PPP2R2A: variants seen among roughly 807,000 people sequenced by gnomAD.
The protein encoded by PPP2R2A is protein phosphatase 2 regulatory subunit Balpha.
In PPP2R2A, 9 loss-of-function variants were observed where a neutral mutation model predicts 53.2. The observed-to-expected ratio is 0.17, with a 90% CI of 0.10 to 0.30. The LOEUF (loss-of-function observed/expected upper bound fraction) is 0.30. Ranked by LOEUF, PPP2R2A falls within the 10% of genes least tolerant of loss-of-function variation. The probability of loss-of-function intolerance (pLI) is 1.00; values close to 1 mark genes in which losing one functional copy is unlikely to be tolerated. For synonymous variants in PPP2R2A, 169 were observed against 174.2 expected, an observed-to-expected ratio of 0.97 and a Z score of 0.23; for missense variants, 235 against 534.6, an observed-to-expected ratio of 0.44 and a Z score of 5.53.
At chr8:26,339,039 G>A (rs771667232) in intron 3 of PPP2R2A, 52 bp downstream of exon 3, 6 of 1,330,534 alleles carry the variant, frequency 4.5e-6, no homozygotes, top group Non-Finnish European at 6.5e-6. Flanking sequence ...TAGGACTAGA[G>A]CTTGTGTTGC....
intron 4 of PPP2R2A, among the ~76,000 whole-genome samples, chr8:26,357,290 C>G (rs1009405632): frequency 6.9e-6 from 1 of 144,922 alleles, no homozygotes; most frequent in Non-Finnish European, 1.5e-5. Context: ...AACACCCCCC[C>G]CCCCCAATAT....
At chr8:26,340,872 T>G (rs1252787718) in intron 3 of PPP2R2A, among the ~76,000 whole-genome samples, 1 of 152,136 alleles carries the variant, frequency 6.6e-6, no homozygotes, top group Admixed American at 6.5e-5. Flanking sequence ...CTCATTTACT[T>G]GTATTAGAAA....
intron 9 of PPP2R2A, among the ~76,000 whole-genome samples, chr8:26,369,124 TAC>T (rs375380252): frequency 4.7e-5 from 7 of 149,344 alleles, no homozygotes; most frequent in Non-Finnish European, 7.5e-5. Flanking sequence ...AAAAAAATTA[TAC>T]ACACACACAC....
chr8:26,344,019 C>G (rs1481151943), intron 3 of PPP2R2A, among the ~76,000 whole-genome samples: 6 of 152,058 alleles, frequency 3.9e-5, no homozygotes, highest in Non-Finnish European at 7.4e-5. Context: ...TCTCCTTTTG[C>G]CAGCTGGGGG....
At chr8:26,368,556 A>C (rs1369705768) in intron 9 of PPP2R2A, among the ~76,000 whole-genome samples, 3 of 152,364 alleles carry the variant, frequency 2.0e-5, no homozygotes, top group African/African-American at 7.2e-5. Context: ...TTTGCTTAAA[A>C]TGTTCTAAGT....
chr8:26,357,002 A>G (rs1443263853), intron 4 of PPP2R2A, among the ~76,000 whole-genome samples: 1 of 152,238 alleles, frequency 6.6e-6, no homozygotes, highest in Non-Finnish European at 1.5e-5. Flanking sequence ...AATACTAAGT[A>G]AAATACAGCT....
intron 4 of PPP2R2A, among the ~76,000 whole-genome samples, chr8:26,359,497 CAAAAGTTTGTTTTTA>C (rs1333667928): frequency 6.6e-6 from 1 of 152,148 alleles, no homozygotes; most frequent in Non-Finnish European, 1.5e-5. Context: ...AATTGTAAAA[CAAAAGTTTGTTTTTA>C]AACAGATGCC....
At chr8:26,349,937 A>T (rs1256374621) in intron 3 of PPP2R2A, among the ~76,000 whole-genome samples, 3 of 152,190 alleles carry the variant, frequency 2.0e-5, no homozygotes, top group Admixed American at 6.5e-5. Context: ...AAGTTCTGCT[A>T]ATTTTATTCT....
At chr8:26,328,554 C>T (rs1466997317) in intron 2 of PPP2R2A, among the ~76,000 whole-genome samples, 1 of 152,176 alleles carries the variant, frequency 6.6e-6, no homozygotes, top group Non-Finnish European at 1.5e-5. Context: ...TACCTGTCAC[C>T]TGGTTTCTCT....
chr8:26,304,765 A>G lies in PPP2R2A; in HGVS notation c.82+11025A>G, dbSNP rs192710766. Among the ~76,000 whole-genome samples the G allele has an allele frequency of 3.1e-3, 479 of 152,342 alleles. 1 individual carries two copies. Among genetic ancestry groups the G allele is most frequent in the African/African-American group, 0.011 (458 of 41,592 alleles). ...TTCTGACCAAATTTCTTATCAAGGCATGCAACATGCAAAAATGTTTGTTAA... is the reference window on the plus strand; with the variant it reads ...TTCTGACCAAATTTCTTATCAAGGCGTGCAACATGCAAAAATGTTTGTTAA... On this transcript the variant is annotated intron_variant, in intron 2 of 9. Coordinates refer to ENST00000380737, the MANE Select transcript of PPP2R2A (RefSeq NM_002717.4).
At chr8:26,293,400 A>T in intron 1 of PPP2R2A, 1 of 870,156 alleles carries the variant, frequency 1.1e-6, no homozygotes, top group Non-Finnish European at 1.8e-6. Flanking sequence ...CTTTTACTGT[A>T]TTTGACAGGA....
intron 6 of PPP2R2A, among the ~76,000 whole-genome samples, chr8:26,361,837 T>G (rs1312253145): frequency 6.6e-6 from 1 of 151,836 alleles, no homozygotes; most frequent in African/African-American, 2.4e-5. Context: ...GGCGCATGCC[T>G]GTAATCTAAG....
At chr8:26,337,685 G>GT (rs775499545) in intron 2 of PPP2R2A, among the ~76,000 whole-genome samples, 4 of 152,160 alleles carry the variant, frequency 2.6e-5, no homozygotes, top group Non-Finnish European at 5.9e-5. Context: ...GTAGCCAGGG[G>GT]TTTTTTAACC....
Position 26,296,565 on chromosome 8 carries a change from C to T in PPP2R2A, c.82+2825C>T, listed in dbSNP as rs866677736. On this transcript the variant is annotated intron_variant, in intron 2 of 9. Coordinates refer to ENST00000380737, the MANE Select transcript of PPP2R2A (RefSeq NM_002717.4). ...ATTTTTAAAGTCTTCCTTTATAGCA[C>T]TTTGTTACGTAGATATCATATGGTA... 1.3e-5 allele frequency among the ~76,000 whole-genome samples: 2 copies of T among 152,184 alleles called. 1 individual carries two copies.
intron 2 of PPP2R2A, among the ~76,000 whole-genome samples, chr8:26,337,626 C>T (rs773993047): frequency 5.9e-5 from 9 of 152,192 alleles, no homozygotes; most frequent in African/African-American, 9.7e-5. Flanking sequence ...TTCAGTTTTA[C>T]GCCTTTTATG....
intron 3 of PPP2R2A, among the ~76,000 whole-genome samples, chr8:26,340,458 G>A (rs1803884364): frequency 1.3e-5 from 2 of 151,906 alleles, no homozygotes; most frequent in African/African-American, 4.8e-5. Flanking sequence ...GAAAGTTATT[G>A]ACTCTCTACA....
intron 2 of PPP2R2A, among the ~76,000 whole-genome samples, chr8:26,334,573 G>A (rs1362798068): frequency 6.6e-6 from 1 of 151,956 alleles, no homozygotes; most frequent in African/African-American, 2.4e-5. Context: ...GTGAAACCCC[G>A]CCTCTACTAA....
chr8:26,354,824 A>G lies in PPP2R2A; in HGVS notation c.346+191A>G, dbSNP rs1156496411. ...TTCTCTGAAAGATTCTCTGATAGCA[A>G]TTTTTTGTTTACTACACCTCCAATT... On this transcript the variant is annotated intron_variant, in intron 4 of 9. Coordinates refer to ENST00000380737, the MANE Select transcript of PPP2R2A (RefSeq NM_002717.4). The surrounding 1 kb of genome is among the most constrained non-coding windows in gnomAD (Gnocchi z 4.6). 6.6e-6 allele frequency among the ~76,000 whole-genome samples: 1 copy of G among 152,096 alleles called. No individual in the cohort carries two copies. Among genetic ancestry groups the G allele is most frequent in the African/African-American group, 2.4e-5 (1 of 41,406 alleles).
intron 2 of PPP2R2A, among the ~76,000 whole-genome samples, chr8:26,312,319 T>A (rs1435827142): frequency 6.6e-6 from 1 of 152,230 alleles, no homozygotes; most frequent in Non-Finnish European, 1.5e-5. Context: ...GGGAATCTGG[T>A]TAAAATACAG....
Sources: gnomAD v4.1 joint callset for allele counts (sites outside exome capture counted in the v4.1 genomes callset) on GRCh38, gnomAD v4.1.1 for gene constraint, Gnocchi (gnomAD v3.1) non-coding constraint, MANE v1.5 for transcripts, NCBI Gene and HGNC (gene_info 2026-07-23, HGNC 2026-07-21) for gene names.